The following PCDHA4 variants were observed in gnomAD, a reference collection of about 807,000 sequenced individuals.
PCDHA4 encodes the protein protocadherin alpha-4.
A neutral mutation model predicts 61.4 loss-of-function variants in PCDHA4; 49 were observed. That is an observed-to-expected ratio of 0.80 (90% CI 0.63 to 1.01). PCDHA4 has a LOEUF of 1.01. Among genes scored for constraint, PCDHA4 ranks in the 50% least tolerant of loss-of-function variants. The probability of loss-of-function intolerance (pLI) is 0.00; values close to 1 mark genes in which losing one functional copy is unlikely to be tolerated. For missense variants in PCDHA4, 1,254 were observed against 1,235.8 expected, an observed-to-expected ratio of 1.01 and a Z score of -0.22; for synonymous variants, 590 against 550.3, an observed-to-expected ratio of 1.07 and a Z score of -1.01.
chr5:140,884,229 A>T (rs2060058344), intron 1 of PCDHA4: 2 of 1,613,258 alleles, frequency 1.2e-6, no homozygotes. Flanking sequence ...GTGAAGGACC[A>T]CGGTGAGCCC....
chr5:140,925,395 GCCT>G (rs2082476248), intron 1 of PCDHA4, among the ~76,000 whole-genome samples: 1 of 151,998 alleles, frequency 6.6e-6, no homozygotes, highest in Non-Finnish European at 1.5e-5. Flanking sequence ...CTTTTGGCTC[GCCT>G]CCTTCTTAGG....
chr5:140,808,482 C>T lies in PCDHA4; in HGVS notation c.1295C>T (p.Ser432Leu), dbSNP rs781996796. Reference sequence around the variant, plus strand: ...GTGGTGACCGCGCGAGACGGGGGCTCGCCTTCGCTGTGGGCCACGGCCAGT... The same window carrying T: ...GTGGTGACCGCGCGAGACGGGGGCTTGCCTTCGCTGTGGGCCACGGCCAGT... ...ELVVTARDGG[S>L]PSLWATASVS... Residue 432 changes from serine (S) to leucine (L), a missense_variant, in exon 1 of 4, where the codon TCG (serine) becomes TTG (leucine). Physicochemically the swap from Ser to Leu is moderately radical, Grantham distance 145. Transcript: ENST00000530339. 4.3e-6 allele frequency: 7 copies of T among 1,614,014 alleles called. No homozygotes were observed. Among genetic ancestry groups the T allele is most frequent in the African/African-American group, 1.3e-5 (1 of 74,938 alleles).
intron 1 of PCDHA4, among the ~76,000 whole-genome samples, chr5:140,954,689 A>T (rs1392082377): frequency 2.0e-5 from 3 of 152,164 alleles, no homozygotes; most frequent in Non-Finnish European, 4.4e-5. Context: ...TCAGATGGAT[A>T]GACTACAAAA....
intron 1 of PCDHA4, chr5:140,849,878 G>T (rs558218817): frequency 6.3e-7 from 1 of 1,598,486 alleles, no homozygotes; most frequent in East Asian, 2.2e-5. Context: ...CCGAGTACAC[G>T]GTGTTCGTGA....
At chr5:140,851,138 G>T in intron 1 of PCDHA4, 2 of 1,312,402 alleles carry the variant, frequency 1.5e-6, no homozygotes, top group Non-Finnish European at 2.0e-6. Context: ...TGTGATTAAA[G>T]TGACATTGAA....
intron 3 of PCDHA4, among the ~76,000 whole-genome samples, chr5:141,003,237 T>G (rs1357530548): frequency 6.6e-6 from 1 of 152,228 alleles, no homozygotes; most frequent in Non-Finnish European, 1.5e-5. Flanking sequence ...CTGGAAATTT[T>G]GCCAAAAAGA....
chr5:140,833,092 G>A (rs1772292108), intron 1 of PCDHA4, among the ~76,000 whole-genome samples: 1 of 152,166 alleles, frequency 6.6e-6, no homozygotes, highest in African/African-American at 2.4e-5. Flanking sequence ...AGTACTAGAC[G>A]AGTAATTTTG....
rs1344675374 is a variant in PCDHA4 at position 140,952,992 on chromosome 5, ACT to A, written c.2386-25951_2386-25950del. Among the ~76,000 whole-genome samples, 6 of 151,892 alleles carry A rather than the reference ACT, an allele frequency of 4.0e-5. No individual in the cohort carries two copies. In the East Asian group the frequency reaches 7.7e-4, roughly 20 times the overall value. On this transcript the variant is annotated intron_variant, in intron 1 of 3. Transcript: ENST00000530339. ...TTTTAAACAACAAGATCTCATGAGAACTCTCTCACTATTATGAGAACAACATT... is the reference window on the plus strand; with the variant it reads ...TTTTAAACAACAAGATCTCATGAGAACTCTCACTATTATGAGAACAACATT...
chr5:140,858,642 T>C, intron 1 of PCDHA4: 1 of 930,744 alleles, frequency 1.1e-6, no homozygotes, highest in South Asian at 1.9e-5. Context: ...CTTTGATTGG[T>C]ACTTAAATTT....
intron 1 of PCDHA4, chr5:140,810,322 A>G (rs1368356791): frequency 2.0e-5 from 3 of 152,202 alleles, no homozygotes; most frequent in South Asian, 2.1e-4. Flanking sequence ...ATGCCCATGT[A>G]CACAGATTTC....
chr5:140,927,682 T>C, intron 1 of PCDHA4: 1 of 1,613,992 alleles, frequency 6.2e-7, no homozygotes, highest in Non-Finnish European at 8.5e-7. Flanking sequence ...AGATGAAGGG[T>C]CCAATGGGGA....
At chr5:140,992,282 TG>T (rs1554252798) in intron 3 of PCDHA4, among the ~76,000 whole-genome samples, 1 of 152,178 alleles carries the variant, frequency 6.6e-6, no homozygotes, top group African/African-American at 2.4e-5. Context: ...AGCACATCCC[TG>T]CAAAGGATGG....
chr5:140,853,830 G>A lies in PCDHA4; in HGVS notation c.2385+44258G>A, dbSNP rs1424828776. 1.9e-5 allele frequency: 19 copies of A among 986,508 alleles called. 1 individual carries two copies. The highest frequency in any genetic ancestry group is 2.2e-5 in the Non-Finnish European group (18 of 818,674). The allele number at this position is 986,508 out of a possible 1,614,324, so 61.1% of individuals were successfully genotyped here. On this transcript the variant is annotated intron_variant, in intron 1 of 3. Coordinates refer to ENST00000530339, the MANE Select transcript of PCDHA4 (RefSeq NM_018907.4). The stretch of plus-strand genomic sequence containing the variant: ...CACCTGAGATGATTCTCATACAACC[G>A]AAATTTTAGATCCATAGCCCTATTT...
intron 1 of PCDHA4, chr5:140,928,017 C>T (rs782665827): frequency 1.2e-6 from 2 of 1,614,064 alleles, no homozygotes; most frequent in East Asian, 4.5e-5. Flanking sequence ...ATGGTAGGGT[C>T]ATTTGTGGCA....
rs2045560608 is a variant in PCDHA4 at position 140,858,685 on chromosome 5, T to G, written c.2385+49113T>G. The G allele has an allele frequency of 1.3e-5, 8 of 595,874 alleles. No homozygotes were observed. The South Asian group carries it at 1.9e-4, about 14-fold the overall frequency. 36.9% of individuals were successfully genotyped at this position (595,874 alleles called of 1,614,324 possible). On this transcript the variant is annotated intron_variant, in intron 1 of 3. Transcript: ENST00000530339. ...TAACAATTTATTCTGAATACACTAA[T>G]ATTTTCCAATACAAATATGTGATAT... is the stretch of plus-strand genomic sequence containing the variant.
Position 140,966,357 on chromosome 5 carries a change from T to A in PCDHA4, c.2386-12592T>A, listed in dbSNP as rs3756326. ...AGGTCCAGGGTGAAGGAGATGGGGCTGGAGAGGCTGAGCAGTCCGGGTTCG... is the reference window on the plus strand; with the variant it reads ...AGGTCCAGGGTGAAGGAGATGGGGCAGGAGAGGCTGAGCAGTCCGGGTTCG... On this transcript the variant is annotated intron_variant, in intron 1 of 3. Coordinates refer to ENST00000530339, the MANE Select transcript of PCDHA4 (RefSeq NM_018907.4). The A allele has an allele frequency of 3.3e-4, 131 of 400,654 alleles. 3 individuals are homozygous for A. Among genetic ancestry groups the A allele is most frequent in the East Asian group, 2.0e-3 (56 of 27,900 alleles). The allele number at this position is 400,654 out of a possible 1,614,324, so 24.8% of individuals were successfully genotyped here.
chr5:140,941,259 T>TTC (rs1340815463), intron 1 of PCDHA4, among the ~76,000 whole-genome samples: 28 of 121,830 alleles, frequency 2.3e-4, no homozygotes, highest in East Asian at 1.1e-3. Flanking sequence ...TTCTTTCTCT[T>TTC]TCTTTCTTTC....
chr5:140,863,194 T>C (rs537580785), intron 1 of PCDHA4: 17 of 849,862 alleles, frequency 2.0e-5, no homozygotes, highest in African/African-American at 1.9e-4. Flanking sequence ...CGTGGTGGCG[T>C]CGCTGGCGGA....
chr5:140,856,312 G>C, intron 1 of PCDHA4: 1 of 1,598,632 alleles, frequency 6.3e-7, no homozygotes, highest in Non-Finnish European at 8.6e-7. Context: ...TGAATTCTCG[G>C]ATTGACCGCG....
Sources: allele counts gnomAD v4.1 joint callset (sites outside exome capture counted in the v4.1 genomes callset), GRCh38; gene constraint gnomAD v4.1.1; transcripts MANE v1.5; gene names NCBI Gene and HGNC (gene_info 2026-07-23, HGNC 2026-07-21).